The following NR4A1 variants were observed in gnomAD, a reference collection of about 807,000 sequenced individuals.
The protein encoded by NR4A1 is nuclear receptor subfamily 4immunitygroup A member 1.
Under a neutral mutation model 47.5 loss-of-function variants are expected in NR4A1, and 24 were observed. The observed-to-expected ratio is 0.50, with a 90% CI of 0.37 to 0.71. The LOEUF (loss-of-function observed/expected upper bound fraction) is 0.71. NR4A1 is among the 30% of genes least tolerant of loss of function. The pLI, the probability that NR4A1 is intolerant of heterozygous loss-of-function variation, is 0.00. For missense variants in NR4A1, 669 were observed against 788.6 expected, an observed-to-expected ratio of 0.85 and a Z score of 1.82; for synonymous variants, 353 against 345.7, an observed-to-expected ratio of 1.02 and a Z score of -0.24.
At chr12:52,037,705 A>G (rs1938288378) in intron 1 of NR4A1, 1 of 985,294 alleles carries the variant, frequency 1.0e-6, no homozygotes, top group South Asian at 4.7e-5. Flanking sequence ...GGCCAGAGAA[A>G]TTCCTTCCAT....
At chr12:52,058,464 C>G (rs969489857) in intron 6 of NR4A1, 1 of 570,488 alleles carries the variant, frequency 1.8e-6, no homozygotes, top group Non-Finnish European at 3.0e-6. Context: ...AGTCATTAGC[C>G]TCCTGGGCCT....
intron 1 of NR4A1, among the ~76,000 whole-genome samples, chr12:52,036,447 C>G (rs934159334): frequency 6.6e-6 from 1 of 152,212 alleles, no homozygotes; most frequent in Non-Finnish European, 1.5e-5. Context: ...ACCTCCACAG[C>G]TGTTATCATC....
In NR4A1 at chr12:52,042,158, G is replaced by A. The variant is rs1003972149; in HGVS notation, c.37+229G>A. ...CTTATTTTCTTGGCAGGATAGGCTG[G>A]AGGGCTCTCTGGGCCTAGGTGACAC... On this transcript the variant is annotated intron_variant, in intron 2 of 7. Transcript: ENST00000360284. 3.9e-5 allele frequency among the ~76,000 whole-genome samples: 6 copies of A among 152,238 alleles called. 1 individual carries two copies. The South Asian group carries it at 1.0e-3, about 26-fold the overall frequency.
At position 52,059,016 on chromosome 12, in the gene NR4A1, C is replaced by T; in HGVS notation, c.*72C>T. ...CCCATGTGCCTTTAGTCCACGGACC[C>T]CCAGAGCACCCCCAAGCCTGGGCTT... is the stretch of plus-strand genomic sequence containing the variant. On this transcript the variant is annotated 3_prime_UTR_variant, in exon 7 of 7. Coordinates refer to ENST00000394825, the MANE Select transcript of NR4A1 (RefSeq NM_173157.3). The T allele has an allele frequency of 1.3e-6, 2 of 1,517,158 alleles. No individual in the cohort carries two copies. The highest frequency in any genetic ancestry group is 2.5e-5 in the South Asian group (2 of 78,652). The allele number at this position is 1,517,158 out of a possible 1,614,324, so 94.0% of individuals were successfully genotyped here. A position where few individuals can be genotyped will look rare whatever the true frequency, so the allele number is the denominator to read the frequency against.
chr12:52,037,371 A>C, intron 1 of NR4A1: 1 of 984,730 alleles, frequency 1.0e-6, no homozygotes, highest in Non-Finnish European at 1.2e-6. Context: ...TGCGGTGCAG[A>C]GCAGCTCAGG....
upstream of NR4A1, among the ~76,000 whole-genome samples, chr12:52,048,244 G>T (rs1224554004): frequency 6.6e-6 from 1 of 151,998 alleles, no homozygotes; most frequent in African/African-American, 2.4e-5. Context: ...ACTTGTTCTT[G>T]CTGGTTGGCA....
chr12:52,059,048 C>T lies in NR4A1; in HGVS notation c.*104C>T. On this transcript the variant is annotated 3_prime_UTR_variant, in exon 7 of 7. Coordinates refer to ENST00000394825, the MANE Select transcript of NR4A1 (RefSeq NM_173157.3). ...CACCCCCAAGCCTGGGCTTGAGCTG[C>T]AGAATGACTCCACCTTCTCACCTGC... 1 of 1,372,750 alleles carries T rather than the reference C, an allele frequency of 7.3e-7. No homozygotes were observed. 85.0% of individuals were successfully genotyped at this position (1,372,750 alleles called of 1,614,324 possible). A position where few individuals can be genotyped will look rare whatever the true frequency, so the allele number is the denominator to read the frequency against.
upstream of NR4A1, among the ~76,000 whole-genome samples, chr12:52,047,480 A>G (rs1938696568): frequency 6.6e-6 from 1 of 152,228 alleles, no homozygotes; most frequent in African/African-American, 2.4e-5. Flanking sequence ...GTTTCCACAG[A>G]GGGACTTTGC....
rs2603754 is a variant in NR4A1, at chr12:52,056,402, T to G, written c.1007-92T>G. Reference sequence around the variant, plus strand: ...GGGACTCTGGGTCCTAGGGACTCGGTGGGGCGCGTCTCAGCAGTGGTGTGC... The same window carrying G: ...GGGACTCTGGGTCCTAGGGACTCGGGGGGGCGCGTCTCAGCAGTGGTGTGC... On this transcript the variant is annotated intron_variant, in intron 3 of 6. Transcript: ENST00000394825. 7.4e-3 allele frequency: 11,246 copies of G among 1,524,030 alleles called. 705 individuals are homozygous for G. In the African/African-American group the frequency reaches 0.14, roughly 19 times the overall value. 94.4% of individuals were successfully genotyped at this position (1,524,030 alleles called of 1,614,324 possible). A position where few individuals can be genotyped will look rare whatever the true frequency, so the allele number is the denominator to read the frequency against.
intron 4 of NR4A1, 96 bp from the exon 5 acceptor site, chr12:52,056,961 C>T: frequency 8.3e-7 from 1 of 1,198,602 alleles, no homozygotes; most frequent in Non-Finnish European, 1.2e-6. Flanking sequence ...CACTCCCACT[C>T]CCGGGATCTG....
intron 1 of NR4A1, chr12:52,038,502 G>A (rs1452071806): frequency 5.6e-6 from 3 of 537,354 alleles, no homozygotes; most frequent in Non-Finnish European, 1.0e-5. Flanking sequence ...AACACAGGCT[G>A]GGCAGAGGTT....
At chr12:52,024,291 T>C (rs1732235) in intron 1 of NR4A1, among the ~76,000 whole-genome samples, 75,599 of 152,232 alleles carry the variant, frequency 0.5, 19,969 homozygotes, top group African/African-American at 0.63. Context: ...AGTGGATTGC[T>C]TTCAGCCTTT....
chr12:52,052,693 A>G, intron 1 of NR4A1: 1 of 980,092 alleles, frequency 1.0e-6, no homozygotes, highest in Non-Finnish European at 1.2e-6. Flanking sequence ...AGGGGGAGGG[A>G]CTGATGGGGG....
rs1939145691 is a variant in NR4A1 at position 52,054,529 on chromosome 12, C to T, written c.201C>T (p.Phe67=). ...MDGYTGEFDT[F]LYQLPGTVQP... Reference sequence around the variant, plus strand: ...GCTACACAGGAGAGTTTGACACCTTCCTCTACCAGCTGCCAGGAACAGTCC... The same window carrying T: ...GCTACACAGGAGAGTTTGACACCTTTCTCTACCAGCTGCCAGGAACAGTCC... The change falls in exon 2 of 7, where the codon TTC becomes TTT. Residue 67 remains phenylalanine, a synonymous_variant. Coordinates refer to ENST00000394825, the MANE Select transcript of NR4A1 (RefSeq NM_173157.3). 6.2e-7 allele frequency: 1 copy of T among 1,614,044 alleles called. No individual in the cohort carries two copies. Among genetic ancestry groups the T allele is most frequent in the Non-Finnish European group, 8.5e-7 (1 of 1,179,952 alleles).
In NR4A1 at chr12:52,054,985, G is replaced by C. The variant is rs780099686; in HGVS notation, c.657G>C (p.Gly219=). ...CCTCACAGGCCACCCACCAGCTGGGGGAGGGAGAGAGCTATTCCATGCCTA... is the reference window on the plus strand; with the variant it reads ...CCTCACAGGCCACCCACCAGCTGGGCGAGGGAGAGAGCTATTCCATGCCTA... ...LFPSQATHQL[G]EGESYSMPTA... The change falls in exon 2 of 7, where the codon GGG becomes GGC. Residue 219 remains glycine, a synonymous_variant. Coordinates refer to ENST00000394825, the MANE Select transcript of NR4A1 (RefSeq NM_173157.3). The C allele has an allele frequency of 6.2e-7, 1 of 1,614,222 alleles. No homozygotes were observed. The highest frequency in any genetic ancestry group is 1.7e-5 in the Admixed American group (1 of 60,024).
Position 52,057,529 on chromosome 12 carries a change from C to T in NR4A1, c.1539C>T (p.Thr513=), listed in dbSNP as rs767819564. 1.3e-5 allele frequency: 21 copies of T among 1,613,794 alleles called. No individual in the cohort carries two copies. The highest frequency in any genetic ancestry group is 1.7e-5 in the Admixed American group (1 of 60,020). The change falls in exon 6 of 7, where the codon ACC becomes ACT. Residue 513 remains threonine, a splice_region_variant and synonymous_variant. Coordinates refer to ENST00000394825, the MANE Select transcript of NR4A1 (RefSeq NM_173157.3). ...GCCTCTCTGCCCTTGTCCTCATCACCGGTGAGTGACCAGCACCACACCAGG... is the reference window on the plus strand; with the variant it reads ...GCCTCTCTGCCCTTGTCCTCATCACTGGTGAGTGACCAGCACCACACCAGG... ...FACLSALVLI[T]DRHGLQEPRR...
At position 52,059,249 on chromosome 12, in the gene NR4A1, C is replaced by T. The variant is rs1939436606; in HGVS notation, c.*305C>T. The stretch of plus-strand genomic sequence containing the variant: ...AATAAGCCCAGTGCTGCTGTAAATA[C>T]AGGAAGAAAGAGCTTGAGGTGGGAG... On this transcript the variant is annotated 3_prime_UTR_variant, in exon 7 of 7. Transcript: ENST00000394825. 1 of 310,654 alleles carries T rather than the reference C, an allele frequency of 3.2e-6. No individual in the cohort carries two copies. Among genetic ancestry groups the T allele is most frequent in the Admixed American group, 5.0e-5 (1 of 19,924 alleles). 19.2% of individuals were successfully genotyped at this position (310,654 alleles called of 1,614,324 possible). A position where few individuals can be genotyped will look rare whatever the true frequency, so the allele number is the denominator to read the frequency against.
intron 1 of NR4A1, among the ~76,000 whole-genome samples, chr12:52,025,150 C>A (rs1274887627): frequency 2.0e-5 from 3 of 151,996 alleles, no homozygotes; most frequent in African/African-American, 7.3e-5. Context: ...CCCTCCGTCC[C>A]CCGGGTTCAA....
At chr12:52,024,386 C>T (rs1331238959) in intron 1 of NR4A1, among the ~76,000 whole-genome samples, 4 of 152,256 alleles carry the variant, frequency 2.6e-5, no homozygotes, top group South Asian at 4.1e-4. Context: ...CTTTTTTTCT[C>T]TCTCTCCAAG....
Sources: allele counts gnomAD v4.1 joint callset (sites outside exome capture counted in the v4.1 genomes callset), GRCh38; gene constraint gnomAD v4.1.1; transcripts MANE v1.5; gene names NCBI Gene and HGNC (gene_info 2026-07-23, HGNC 2026-07-21).